The following ZNF185 variants were observed in gnomAD, a reference collection of about 807,000 sequenced individuals.
ZNF185 encodes the protein zinc finger protein 185.
Under a neutral mutation model 58.6 loss-of-function variants are expected in ZNF185, and 56 were observed. The observed-to-expected ratio is 0.95, with a 90% CI of 0.77 to 1.19. The LOEUF (loss-of-function observed/expected upper bound fraction) is 1.19, where lower values mean the gene tolerates loss of function less well. Ranked by LOEUF, ZNF185 falls within the 50% of genes most tolerant of loss-of-function variation. The pLI is 0.00. For synonymous variants in ZNF185, 230 were observed against 215.9 expected (o/e 1.07, Z -0.57); for missense variants, 627 against 573.5 (o/e 1.09, Z -0.95).
chrX:152,905,761 C>T, the ZNF185 span, among the ~76,000 whole-genome samples: 3 of 110,597 alleles, frequency 2.7e-5, no homozygotes, highest in Non-Finnish European at 3.8e-5. Flanking sequence ...CTCCCTCTCA[C>T]CCCTTGGTGC....
Position 152,938,157 on chromosome X carries a change from C to G in ZNF185, c.1205C>G (p.Pro402Arg), listed in dbSNP as rs781934914. 75 of 1,180,691 alleles carry G rather than the reference C, an allele frequency of 6.4e-5. No individual in the cohort carries two copies. The highest frequency in any genetic ancestry group is 8.0e-5 in the Non-Finnish European group (70 of 879,740). The change falls in exon 15 of 23, where the codon CCA (proline) becomes CGA (arginine). Residue 402 changes from proline to arginine, a missense_variant. Physicochemically the swap from Pro to Arg is moderately radical, Grantham distance 103. Transcript: ENST00000449285. ...GCCCAGGAGGATGCAAAGGCAGACC[C>G]AAAGGGGTAAGGCATGAGCAGACAG... is the stretch of plus-strand genomic sequence containing the variant.
At chrX:152,967,341 C>T in intron 20 of ZNF185, 103 bp downstream of exon 22, 1 of 820,029 alleles carries the variant, frequency 1.2e-6, no homozygotes, top group Non-Finnish European at 1.8e-6. Context: ...TGCTTTGCAG[C>T]CTCCAATCCA....
At chrX:152,965,783 T>C (rs1556914284) in intron 19 of ZNF185, among the ~76,000 whole-genome samples, 1 of 109,557 alleles carries the variant, frequency 9.1e-6, no homozygotes, top group Non-Finnish European at 1.9e-5. Context: ...CTTGTCTTTG[T>C]TATTTTATTT....
At chrX:152,917,996 GGCT>G in intron 5 of ZNF185, 66 bp from the exon 7 acceptor site, 1 of 1,163,468 alleles carries the variant, frequency 8.6e-7, no homozygotes, top group South Asian at 1.9e-5. Context: ...GTGTCCACTG[GGCT>G]GTGTGGCCAA....
intron 16 of ZNF185, among the ~76,000 whole-genome samples, chrX:152,951,904 GTTAAC>G (rs1477697680): frequency 4.5e-5 from 5 of 111,979 alleles, no homozygotes; most frequent in East Asian, 2.8e-4. Context: ...AATGAATTTA[GTTAAC>G]TTAATTCAGC....
chrX:152,967,543 C>T (rs1303949041), intron 20 of ZNF185, among the ~76,000 whole-genome samples: 1 of 111,860 alleles, frequency 8.9e-6, no homozygotes, highest in African/African-American at 3.3e-5. Flanking sequence ...AGATTAGAAC[C>T]TAATCAATCA....
intron 11 of ZNF185, among the ~76,000 whole-genome samples, chrX:152,928,069 C>T (rs1556874048): frequency 8.9e-6 from 1 of 112,168 alleles, no homozygotes; most frequent in South Asian, 3.7e-4. Context: ...GGGCTCTGAG[C>T]GTGGCTGGCA....
At chrX:152,956,413 A>C (rs58296962) in intron 16 of ZNF185, among the ~76,000 whole-genome samples, 6,443 of 111,948 alleles carry the variant, frequency 0.058, 463 homozygotes, top group African/African-American at 0.2. Context: ...ATATTAATAT[A>C]ATTCACTAAA....
the ZNF185 span, among the ~76,000 whole-genome samples, chrX:152,905,717 G>GC: frequency 3.7e-5 from 4 of 108,727 alleles, no homozygotes; most frequent in Non-Finnish European, 5.7e-5. Flanking sequence ...CAGGCTTGGG[G>GC]GGGGGGCGGG....
exon 17 of ZNF185, chrX:152,959,785 A>G (rs2049277425): frequency 8.3e-7 from 1 of 1,210,439 alleles, no homozygotes; most frequent in African/African-American, 1.7e-5. Flanking sequence ...AGAGGTGGCC[A>G]AGGAGACCCA....
intron 9 of ZNF185, among the ~76,000 whole-genome samples, chrX:152,921,148 C>T (rs1939627983): frequency 8.9e-6 from 1 of 112,032 alleles, no homozygotes; most frequent in South Asian, 3.7e-4. Context: ...GAGATGGGCC[C>T]TAAAGGGTGA....
chrX:152,918,248 G>A (rs1458092002), intron 6 of ZNF185, 94 bp downstream of exon 7: 7 of 1,027,977 alleles, frequency 6.8e-6, no homozygotes, highest in Non-Finnish European at 8.0e-6. Context: ...ACTTGCCACC[G>A]AGCACAGCCC....
chrX:152,925,883 C>A (rs1483941731), intron 11 of ZNF185, among the ~76,000 whole-genome samples: 2 of 112,642 alleles, frequency 1.8e-5, no homozygotes, highest in Non-Finnish European at 3.8e-5. Flanking sequence ...ACCCCCTGCC[C>A]TGCCCTGTTT....
chrX:152,938,297 G>A lies in ZNF185; in HGVS notation c.1211+134G>A, dbSNP rs1376091300. Reference sequence around the variant, plus strand: ...TGGCCTGAGGCACATAGCAAGGGCAGAAGCCCCAACCAGAACCCTCTGGCT... The same window carrying A: ...TGGCCTGAGGCACATAGCAAGGGCAAAAGCCCCAACCAGAACCCTCTGGCT... On this transcript the variant is annotated intron_variant, in intron 15 of 22. Transcript: ENST00000449285. 1.7e-5 allele frequency: 10 copies of A among 579,824 alleles called. No homozygotes were observed. In the South Asian group the frequency reaches 3.3e-4, roughly 19 times the overall value. 47.8% of individuals were successfully genotyped at this position (579,824 alleles called of 1,213,427 possible).
At chrX:152,907,139 GA>G in the ZNF185 span, among the ~76,000 whole-genome samples, 1 of 110,627 alleles carries the variant, frequency 9.0e-6, no homozygotes, top group African/African-American at 3.3e-5. Context: ...TGTGGTGTGA[GA>G]GGGAGTCTTT....
In ZNF185 at chrX:152,938,234, C is replaced by T; in HGVS notation, c.1211+71C>T. On this transcript the variant is annotated intron_variant, in intron 15 of 22. Transcript: ENST00000449285. The stretch of plus-strand genomic sequence containing the variant: ...CAGCTTGGGCTGTGTGTCCATTGGC[C>T]TTTGGCTGGGAAGGTGAGGCCAGCA... 1.9e-6 allele frequency: 2 copies of T among 1,055,111 alleles called. 1 individual carries two copies. The highest frequency in any genetic ancestry group is 5.5e-4 in the Middle Eastern group (2 of 3,627). 87.0% of individuals were successfully genotyped at this position (1,055,111 alleles called of 1,213,427 possible). A position where few individuals can be genotyped will look rare whatever the true frequency, so the allele number is the denominator to read the frequency against.
At chrX:152,924,754 G>T (rs1158029981) in intron 11 of ZNF185, among the ~76,000 whole-genome samples, 1 of 111,052 alleles carries the variant, frequency 9.0e-6, no homozygotes, top group African/African-American at 3.3e-5. Flanking sequence ...GTGTGATCTC[G>T]GCTCACCGCA....
chrX:152,925,464 G>A (rs1321254193), intron 11 of ZNF185, among the ~76,000 whole-genome samples: 3 of 112,603 alleles, frequency 2.7e-5, no homozygotes, highest in African/African-American at 9.7e-5. Flanking sequence ...AGTTTGCTCA[G>A]GTTGCCATAA....
chrX:152,969,814 C>T (rs948913031), intron 21 of ZNF185, among the ~76,000 whole-genome samples: 2 of 112,616 alleles, frequency 1.8e-5, no homozygotes, highest in African/African-American at 3.2e-5. Flanking sequence ...TTCTAGCTTG[C>T]GTGGGAGAAT....
Sources: allele counts gnomAD v4.1 joint callset (sites outside exome capture counted in the v4.1 genomes callset), GRCh38; gene constraint gnomAD v4.1.1; transcripts MANE v1.5; gene names NCBI Gene and HGNC (gene_info 2026-07-23, HGNC 2026-07-21).